The following TTN variants were observed in gnomAD, a reference collection of about 807,000 sequenced individuals.
TTN encodes the protein titin.
A neutral mutation model predicts 3,223.0 loss-of-function variants in TTN; 1,525 were observed. The ratio of observed to expected loss-of-function variants is 0.47; its 90% CI spans 0.45 to 0.49. The LOEUF is 0.49. Ranked by LOEUF, TTN falls within the 20% of genes least tolerant of loss-of-function variation. The pLI is 0.00. For synonymous variants in TTN, 14,094 were observed against 15,161.0 expected, an observed-to-expected ratio of 0.93 and a Z score of 5.17; for missense variants, 40,786 against 43,424.0, an observed-to-expected ratio of 0.94 and a Z score of 5.40.
rs529295215 is a variant in TTN, at chr2:178,526,660, G to C, written c.*352C>G. On this transcript the variant is annotated 3_prime_UTR_variant, in exon 363 of 363. Coordinates refer to ENST00000589042, the MANE Select transcript of TTN (RefSeq NM_001267550.2). The stretch of plus-strand genomic sequence containing the variant: ...TACTTAGACATCAACAGTATGTTGA[G>C]GCACAAAGATTGATTAAATGTTGAG... 1 of 180,118 alleles carries C rather than the reference G, an allele frequency of 5.6e-6. No individual in the cohort carries two copies. The highest frequency in any genetic ancestry group is 1.5e-4 in the South Asian group (1 of 6,782). 11.2% of individuals were successfully genotyped at this position (180,118 alleles called of 1,614,324 possible). A position where few individuals can be genotyped will look rare whatever the true frequency, so the allele number is the denominator to read the frequency against.
chr2:178,719,245 G>A lies in TTN; in HGVS notation c.24145C>T (p.Pro8049Ser). Residue 8049 changes from proline (P) to serine (S), a missense_variant, in exon 83 of 363, where the codon CCC (proline) becomes TCC (serine). Physicochemically the swap from Pro to Ser is moderately conservative, Grantham distance 74 (BLOSUM62 -1). Transcript: ENST00000589042. ...VCTLNLSLLE[P>S]SDTGIYTCVA... ...CACGTGTATATGCCTGTGTCGGAGG[G>A]CTCCAACAAGCTCAGATTCAAAGTA... 6.2e-7 allele frequency: 1 copy of A among 1,613,736 alleles called. No individual in the cohort carries two copies. Among genetic ancestry groups the A allele is most frequent in the Non-Finnish European group, 8.5e-7 (1 of 1,179,752 alleles).
In TTN at chr2:178,625,347, A is replaced by G. The variant is rs1213950767; in HGVS notation, c.44474T>C (p.Val14825Ala). ...GACTTCCCCAGCATCTTCTAACTTT[A>G]CATCCCTCAGAGTAAGTGTATGAAC... The part of the protein sequence containing the change: ...GKVHTLTLRD[V>A]KLEDAGEVQL... The change falls in exon 241 of 363, where the codon GTA (valine) becomes GCA (alanine). Residue 14825 changes from valine (V) to alanine (A), a missense_variant. Val to Ala is a moderately conservative substitution (Grantham distance 64). Coordinates refer to ENST00000589042, the MANE Select transcript of TTN (RefSeq NM_001267550.2). 8.1e-6 allele frequency: 13 copies of G among 1,602,170 alleles called. No homozygotes were observed. Among genetic ancestry groups the G allele is most frequent in the Non-Finnish European group, 1.0e-5 (12 of 1,175,034 alleles).
Position 178,538,779 on chromosome 2 carries a change from A to C in TTN, c.99050T>G (p.Leu33017Arg). ...ATCACATTCAGGTTTCTCCCACTGT[A>C]GAGTGACACTATCTTTGGATATTGA... ...ILSISKDSVT[L>R]QWEKPECDGG... The change falls in exon 354 of 363, where the codon CTA (leucine) becomes CGA (arginine). Residue 33017 changes from leucine (L) to arginine (R), a missense_variant. Leu to Arg is a moderately radical substitution (Grantham distance 102). Coordinates refer to ENST00000589042, the MANE Select transcript of TTN (RefSeq NM_001267550.2). The C allele has an allele frequency of 6.2e-7, 1 of 1,613,692 alleles. No individual in the cohort carries two copies. The highest frequency in any genetic ancestry group is 2.2e-5 in the East Asian group (1 of 44,872).
Position 178,533,408 on chromosome 2 carries a change from G to A in TTN, c.103207C>T (p.Leu34403=), listed in dbSNP as rs773892755. 8.1e-6 allele frequency: 13 copies of A among 1,613,716 alleles called. No homozygotes were observed. The highest frequency in any genetic ancestry group is 2.7e-5 in the African/African-American group (2 of 74,922). Residue 34403 remains leucine, a synonymous_variant, in exon 358 of 363, where the codon CTG becomes TTG. Transcript: ENST00000589042. ...TLKWEKDGQP[L]SLGPNIEIIH... is the part of the protein sequence containing the mutation. ...ATTTCAATGTTAGGCCCGAGGGACA[G>A]TGGCTGACCATCTTTCTCCCATTTT...
chr2:178,540,180 T>G lies in TTN; in HGVS notation c.97986A>C (p.Leu32662=). Residue 32662 remains leucine, a synonymous_variant, in exon 351 of 363, where the codon CTA becomes CTC. Coordinates refer to ENST00000589042, the MANE Select transcript of TTN (RefSeq NM_001267550.2). ...ATTCTGCACCCTGAGGTAGGTGTGT[T>G]AGAGTATACTCTCGAATCTTGGTTG... ...TTPTKIREYT[L]THLPQGAEYR... The G allele has an allele frequency of 6.2e-7, 1 of 1,613,848 alleles. No individual in the cohort carries two copies.
rs1454982338 is a variant in TTN at position 178,702,658 on chromosome 2, G to T, written c.30229C>A (p.Pro10077Thr). The change falls in exon 107 of 363, where the codon CCA becomes ACA. Residue 10077 changes from proline (P) to threonine (T), a missense_variant. Transcript: ENST00000589042. ...TGTATGCGCTTTGTAAACTGAATTG[G>T]TTCAGCTGTTTAAGTACAAAGAGGG... is the stretch of plus-strand genomic sequence containing the variant. The part of the protein sequence containing the change: ...TSAELRIEAE[P>T]IQFTKRIQNI... 6.2e-7 allele frequency: 1 copy of T among 1,612,158 alleles called. No individual in the cohort carries two copies. The highest frequency in any genetic ancestry group is 1.1e-5 in the South Asian group (1 of 90,970).
chr2:178,723,307 T>C lies in TTN; in HGVS notation c.21700A>G (p.Lys7234Glu), dbSNP rs1243074128. 2 of 1,611,730 alleles carry C rather than the reference T, an allele frequency of 1.2e-6. No individual in the cohort carries two copies. Among genetic ancestry groups the C allele is most frequent in the Non-Finnish European group, 1.7e-6 (2 of 1,178,792 alleles). ...TCTACAGAATGATCACTTAATCTCT[T>C]CAAAAATGCAGCTGGTTCTAGTAAG... Reference protein sequence around the residue: ...LFVKEPAAFLKRLSDHSVEPG... With the variant: ...LFVKEPAAFLERLSDHSVEPG... Residue 7234 changes from lysine to glutamate, a missense_variant, in exon 75 of 363, where the codon AAG becomes GAG. Lys to Glu is a moderately conservative substitution (Grantham distance 56, BLOSUM62 1). Coordinates refer to ENST00000589042, the MANE Select transcript of TTN (RefSeq NM_001267550.2).
chr2:178,609,000 T>G, intron 273 of TTN, 92 bp from the exon 274 acceptor site: 2 of 1,483,720 alleles, frequency 1.3e-6, no homozygotes, highest in Non-Finnish European at 1.8e-6. Context: ...CTGACATGAT[T>G]TGTGGTTTTC....
At chr2:178,708,744 C>A (rs2076228517) in intron 99 of TTN, among the ~76,000 whole-genome samples, 1 of 152,100 alleles carries the variant, frequency 6.6e-6, no homozygotes, top group African/African-American at 2.4e-5. Flanking sequence ...TTTAAGACAA[C>A]TCAGTGATAT....
At chr2:178,607,733 T>C in intron 276 of TTN, 48 bp from the exon 277 acceptor site, 1 of 1,611,486 alleles carries the variant, frequency 6.2e-7, no homozygotes, top group Non-Finnish European at 8.5e-7. Context: ...GATTAAAAAA[T>C]AGTCCCATAT....
chr2:178,745,590 T>G, intron 47 of TTN: 1 of 1,612,470 alleles, frequency 6.2e-7, no homozygotes, highest in Non-Finnish European at 8.5e-7. Flanking sequence ...ACATTTTAAG[T>G]TAAGGTGAGT....
chr2:178,795,136 G>C lies in TTN; in HGVS notation c.1031C>G (p.Pro344Arg), dbSNP rs148063860. Reference sequence around the variant, plus strand: ...GGCCACGTAGCCCTCTTGCTTCCAAGGGGGAGGCACTTCAGGACCTGTGGC... The same window carrying C: ...GGCCACGTAGCCCTCTTGCTTCCAACGGGGAGGCACTTCAGGACCTGTGGC... ...TVATGPEVPPPWKQEGYVASS... is the reference protein window; with the variant it reads ...TVATGPEVPPRWKQEGYVASS... The change falls in exon 7 of 363, where the codon CCT becomes CGT. Residue 344 changes from proline to arginine, a missense_variant. Coordinates refer to ENST00000589042, the MANE Select transcript of TTN (RefSeq NM_001267550.2). The C allele has an allele frequency of 2.5e-6, 4 of 1,614,040 alleles. No individual in the cohort carries two copies. The highest frequency in any genetic ancestry group is 3.4e-6 in the Non-Finnish European group (4 of 1,180,012).
chr2:178,619,003 A>T, intron 250 of TTN, 150 bp from the exon 251 acceptor site: 1 of 1,047,186 alleles, frequency 9.5e-7, no homozygotes, highest in Non-Finnish European at 1.3e-6. Context: ...AGTGGCTTAG[A>T]GTTCTCATAG....
At chr2:178,527,373 C>T in intron 362 of TTN, 66 bp from the exon 363 acceptor site, 1 of 1,570,024 alleles carries the variant, frequency 6.4e-7, no homozygotes, top group Non-Finnish European at 8.6e-7. Context: ...TTGCTTTCTA[C>T]TGAATTGTGT....
chr2:178,777,201 C>A lies in TTN; in HGVS notation c.4762G>T (p.Val1588Leu), dbSNP rs1375582195. 1 of 1,614,002 alleles carries A rather than the reference C, an allele frequency of 6.2e-7. No homozygotes were observed. The highest frequency in any genetic ancestry group is 1.3e-5 in the African/African-American group (1 of 74,924). The change falls in exon 27 of 363, where the codon GTA becomes TTA. Residue 1588 changes from valine (V) to leucine (L), a missense_variant. Val to Leu is a conservative substitution (Grantham distance 32). Transcript: ENST00000589042. ...ATGATGTCACTGTTTTTCAACCATACAATGTCAGGGTTGGGGTTACCCGTA... is the reference window on the plus strand; with the variant it reads ...ATGATGTCACTGTTTTTCAACCATAAAATGTCAGGGTTGGGGTTACCCGTA... Reference protein sequence around the residue: ...RATGNPNPDIVWLKNSDIIVP... With the variant: ...RATGNPNPDILWLKNSDIIVP...
Position 178,620,058 on chromosome 2 carries a change from C to A in TTN, c.46359G>T (p.Arg15453Ser). The A allele has an allele frequency of 6.2e-7, 1 of 1,611,948 alleles. No individual in the cohort carries two copies. The highest frequency in any genetic ancestry group is 8.5e-7 in the Non-Finnish European group (1 of 1,178,808). ...SIHRLIIKDC[R>S]LDDECEYACG... is the part of the protein sequence containing the mutation. ...AAGCATATTCACACTCATCATCCAG[C>A]CTGCAATCTTTTATAATGAGTCTGT... is the stretch of plus-strand genomic sequence containing the variant. Residue 15453 changes from arginine to serine, a missense_variant, in exon 249 of 363, where the codon AGG becomes AGT. By Grantham distance (110) the Arg-to-Ser change is moderately radical (BLOSUM62 -1). Transcript: ENST00000589042.
chr2:178,786,164 T>C (rs1160652350), intron 13 of TTN, 23 bp from the exon 14 acceptor site: 1 of 1,612,402 alleles, frequency 6.2e-7, no homozygotes, highest in Non-Finnish European at 8.5e-7. Context: ...TTTCCAGAAT[T>C]AATACATAGG....
Position 178,728,569 on chromosome 2 carries a change from C to T in TTN, c.19357G>A (p.Gly6453Ser), listed in dbSNP as rs374964612. The change falls in exon 66 of 363, where the codon GGT becomes AGT. Residue 6453 changes from glycine to serine, a missense_variant. By Grantham distance (56) the Gly-to-Ser change is moderately conservative (BLOSUM62 0). Transcript: ENST00000589042. ...TTTTCCACCTTGAAAGTGTACTGAC[C>T]GCTGTCCTGCTTCATTACTGACTGA... The part of the protein sequence containing the change: ...RIQSVMKQDS[G>S]QYTFKVENDF... 7.6e-5 allele frequency: 122 copies of T among 1,612,944 alleles called. No homozygotes were observed. The highest frequency in any genetic ancestry group is 9.5e-5 in the Non-Finnish European group (112 of 1,179,460).
rs1286622718 is a variant in TTN at position 178,732,842 on chromosome 2, A to G, written c.16334T>C (p.Ile5445Thr). ...CAAAGTCTCCAGCCAACCTTGCACAATCAGGGCTCCACTGCTGTCTTTGCT... is the reference window on the plus strand; with the variant it reads ...CAAAGTCTCCAGCCAACCTTGCACAGTCAGGGCTCCACTGCTGTCTTTGCT... Reference protein sequence around the residue: ...VGSKDSSGALIVQEPPSFVTK... With the variant: ...VGSKDSSGALTVQEPPSFVTK... Residue 5445 changes from isoleucine (I) to threonine (T), a missense_variant, in exon 55 of 363, where the codon ATT (isoleucine) becomes ACT (threonine). By Grantham distance (89) the Ile-to-Thr change is moderately conservative. Transcript: ENST00000589042. The G allele has an allele frequency of 6.2e-7, 1 of 1,609,656 alleles. No individual in the cohort carries two copies. Among genetic ancestry groups the G allele is most frequent in the Non-Finnish European group, 8.5e-7 (1 of 1,176,966 alleles).
Sources: gnomAD v4.1 joint callset for allele counts (sites outside exome capture counted in the v4.1 genomes callset) on GRCh38, gnomAD v4.1.1 for gene constraint, MANE v1.5 for transcripts, NCBI Gene and HGNC (gene_info 2026-07-23, HGNC 2026-07-21) for gene names.